The following PLEKHA5 variants were observed in gnomAD, a reference collection of about 807,000 sequenced individuals.
PLEKHA5 encodes the protein pleckstrin homology domain containing A5.
PLEKHA5 carries 55 observed loss-of-function variants against 181.9 expected under a neutral mutation model. The ratio of observed to expected loss-of-function variants is 0.30; its 90% CI spans 0.24 to 0.38. The LOEUF (loss-of-function observed/expected upper bound fraction) is 0.38. Ranked by LOEUF, PLEKHA5 falls within the 10% of genes least tolerant of loss-of-function variation. PLEKHA5 has a pLI of 1.00. For synonymous variants in PLEKHA5, 535 were observed against 529.4 expected, an observed-to-expected ratio of 1.01 and a Z score of -0.15; for missense variants, 1,432 against 1,549.5, an observed-to-expected ratio of 0.92 and a Z score of 1.27.
chr12:19,230,493 G>A (rs565008344), intron 3 of PLEKHA5, among the ~76,000 whole-genome samples: 1 of 152,318 alleles, frequency 6.6e-6, no homozygotes, highest in South Asian at 2.1e-4. Context: ...CAGGTCCAGA[G>A]CCCTGCCCTG....
At chr12:19,272,629 C>T (rs961286753) in intron 10 of PLEKHA5, among the ~76,000 whole-genome samples, 12 of 151,836 alleles carry the variant, frequency 7.9e-5, no homozygotes, top group African/African-American at 2.4e-4. Context: ...CCCGGCTGCT[C>T]GGGAGGCTGA....
chr12:19,198,318 C>G (rs2053420523), intron 3 of PLEKHA5, among the ~76,000 whole-genome samples: 1 of 152,110 alleles, frequency 6.6e-6, no homozygotes, highest in South Asian at 2.1e-4. Flanking sequence ...TCACAGAGGC[C>G]TTCTTTCATC....
At chr12:19,320,757 G>C (rs1434437629) in intron 18 of PLEKHA5, 133 bp downstream of exon 18, 1 of 507,884 alleles carries the variant, frequency 2.0e-6, no homozygotes, top group African/African-American at 2.0e-5. Flanking sequence ...CATATTTTAT[G>C]TGTGTGCTCT....
At chr12:19,240,378 A>G (rs939531785) in intron 3 of PLEKHA5, among the ~76,000 whole-genome samples, 2 of 151,474 alleles carry the variant, frequency 1.3e-5, no homozygotes, top group Non-Finnish European at 2.9e-5. Flanking sequence ...TCCCAAAGGT[A>G]TAATAAACTT....
chr12:19,134,670 C>A (rs2035077167), intron 3 of PLEKHA5, among the ~76,000 whole-genome samples: 1 of 152,102 alleles, frequency 6.6e-6, no homozygotes, highest in Non-Finnish European at 1.5e-5. Context: ...AGGGGCACTA[C>A]TTTTATCTTA....
At chr12:19,351,999 G>A (rs974960356) in intron 25 of PLEKHA5, among the ~76,000 whole-genome samples, 1 of 149,464 alleles carries the variant, frequency 6.7e-6, no homozygotes, top group Non-Finnish European at 1.5e-5. Context: ...TCGCTTGAAT[G>A]CAGGAAGCAG....
intron 3 of PLEKHA5, among the ~76,000 whole-genome samples, chr12:19,157,428 C>T (rs1567944): frequency 6.6e-6 from 1 of 151,876 alleles, no homozygotes; most frequent in Non-Finnish European, 1.5e-5. Flanking sequence ...TTTTGTAGGT[C>T]TGGTGCTAGA....
At chr12:19,220,625 G>T (rs375107541) in intron 3 of PLEKHA5, among the ~76,000 whole-genome samples, 38 of 152,150 alleles carry the variant, frequency 2.5e-4, no homozygotes, top group African/African-American at 9.2e-4. Context: ...TGTGACCTTT[G>T]GGTTGATTCC....
intron 3 of PLEKHA5, among the ~76,000 whole-genome samples, chr12:19,237,346 T>G (rs927489371): frequency 8.5e-5 from 13 of 152,156 alleles, no homozygotes; most frequent in Non-Finnish European, 1.6e-4. Context: ...AGTCACAAAT[T>G]GCTTTAAAAC....
intron 3 of PLEKHA5, among the ~76,000 whole-genome samples, chr12:19,207,112 T>C (rs2055740070): frequency 6.6e-6 from 1 of 152,158 alleles, no homozygotes; most frequent in African/African-American, 2.4e-5. Flanking sequence ...TTGAAACTAA[T>C]CTCAGAAATA....
chr12:19,174,891 A>T (rs190829671), intron 3 of PLEKHA5, among the ~76,000 whole-genome samples: 2 of 152,352 alleles, frequency 1.3e-5, no homozygotes, highest in Admixed American at 6.5e-5. Context: ...AGTTCATACA[A>T]CACAGGGAAA....
Position 19,244,210 on chromosome 12 carries a change from A to G in PLEKHA5, c.228-9730A>G, listed in dbSNP as rs756900786. On this transcript the variant is annotated intron_variant, in intron 3 of 31. Coordinates refer to ENST00000429027, the MANE Select transcript of PLEKHA5 (RefSeq NM_001256470.2). ...ACAAGACACTGTGTGATTTCTATTG[A>G]TGAAATCTCTTCAATTTTAAGGCAA... Among the ~76,000 whole-genome samples the G allele has an allele frequency of 5.9e-5, 9 of 151,418 alleles. No individual in the cohort carries two copies. In the East Asian group the frequency reaches 9.6e-4, roughly 16 times the overall value.
intron 15 of PLEKHA5, among the ~76,000 whole-genome samples, chr12:19,304,779 A>G (rs185386729): frequency 2.7e-5 from 4 of 150,900 alleles, no homozygotes; most frequent in South Asian, 4.2e-4. Context: ...CTTTTGCCAG[A>G]TATGAGAACT....
chr12:19,280,373 G>A (rs936363923), intron 11 of PLEKHA5, among the ~76,000 whole-genome samples: 1 of 152,060 alleles, frequency 6.6e-6, no homozygotes, highest in African/African-American at 2.4e-5. Context: ...CAGTATTTGT[G>A]CATTGTTACT....
intron 3 of PLEKHA5, among the ~76,000 whole-genome samples, chr12:19,245,413 G>T (rs893519240): frequency 6.6e-6 from 1 of 152,070 alleles, no homozygotes; most frequent in Non-Finnish European, 1.5e-5. Context: ...TTATTTTGCC[G>T]TTGGTTGAAT....
At chr12:19,141,365 A>G (rs535015733) in intron 3 of PLEKHA5, among the ~76,000 whole-genome samples, 1 of 152,224 alleles carries the variant, frequency 6.6e-6, no homozygotes, top group African/African-American at 2.4e-5. Flanking sequence ...GCTAGTCTTC[A>G]GTCATTGTCT....
chr12:19,335,962 A>G (rs1055829071), intron 20 of PLEKHA5, among the ~76,000 whole-genome samples: 3 of 152,108 alleles, frequency 2.0e-5, no homozygotes, highest in Non-Finnish European at 4.4e-5. Flanking sequence ...CTCTAGAATT[A>G]TTCTATATTC....
chr12:19,267,870 A>T (rs2071045943), intron 8 of PLEKHA5, among the ~76,000 whole-genome samples: 1 of 142,616 alleles, frequency 7.0e-6, no homozygotes, highest in Admixed American at 7.0e-5. Context: ...TGAGGCAGGA[A>T]AATCACTTGA....
At chr12:19,176,043 A>G (rs1047354431) in intron 3 of PLEKHA5, among the ~76,000 whole-genome samples, 6 of 152,100 alleles carry the variant, frequency 3.9e-5, no homozygotes, top group African/African-American at 1.4e-4. Context: ...CTAGATGTTA[A>G]AAAAAATTAA....
Sources: gnomAD v4.1 joint callset for allele counts (sites outside exome capture counted in the v4.1 genomes callset) on GRCh38, gnomAD v4.1.1 for gene constraint, MANE v1.5 for transcripts, NCBI Gene and HGNC (gene_info 2026-07-23, HGNC 2026-07-21) for gene names.